CES1: variants seen among roughly 807,000 people sequenced by gnomAD.
The protein encoded by CES1 is carboxylesterase 1.
Under a neutral mutation model 53.0 loss-of-function variants are expected in CES1, and 50 were observed. The observed-to-expected ratio is 0.94, with a 90% confidence interval of 0.75 to 1.19. The LOEUF (loss-of-function observed/expected upper bound fraction) is 1.19, where lower values mean the gene tolerates loss of function less well. Ranked by LOEUF, CES1 falls within the 50% of genes most tolerant of loss-of-function variation. The pLI, the probability that CES1 is intolerant of heterozygous loss-of-function variation, is 0.00. For synonymous variants in CES1, 202 were observed against 210.1 expected (o/e 0.96, Z 0.33); for missense variants, 534 against 538.0 (o/e 0.99, Z 0.07).
rs1294446344 is a variant in CES1, at chr16:55,810,663, C to A, written c.1172G>T (p.Cys391Phe). ...SLLWKSYPLV[C>F]IAKELIPEAT... is the part of the protein sequence containing the mutation. ...TTCTGGAATCAGTTCCTTAGCAATG[C>A]ACTGAAATAGATCAAAAAGTGACCA... The change falls in exon 11 of 14, where the codon TGC (cysteine) becomes TTC (phenylalanine). Residue 391 changes from cysteine to phenylalanine, a missense_variant and splice_region_variant. Cys to Phe is a radical substitution (Grantham distance 205, BLOSUM62 -2). Transcript: ENST00000360526. The A allele has an allele frequency of 1.2e-6, 2 of 1,614,132 alleles. No individual in the cohort carries two copies. The highest frequency in any genetic ancestry group is 1.7e-6 in the Non-Finnish European group (2 of 1,179,982).
chr16:55,810,814 G>C (rs1177587239), intron 10 of CES1, 113 bp downstream of exon 10: 1 of 1,405,884 alleles, frequency 7.1e-7, no homozygotes, highest in Non-Finnish European at 1.0e-6. Flanking sequence ...TGGAAAGATG[G>C]GGGAAACCCT....
chr16:55,828,235 T>G, intron 2 of CES1: 1 of 210,738 alleles, frequency 4.7e-6, no homozygotes, highest in Non-Finnish European at 9.8e-6. Flanking sequence ...ACACCTTCCA[T>G]TGTTCTCCTC....
chr16:55,826,610 A>G (rs775454668), intron 2 of CES1, among the ~76,000 whole-genome samples: 2 of 152,164 alleles, frequency 1.3e-5, no homozygotes, highest in Non-Finnish European at 2.9e-5. Context: ...TTCTCACAAT[A>G]GCTCAGGGGT....
At chr16:55,816,449 C>T (rs536942716) in intron 8 of CES1, among the ~76,000 whole-genome samples, 16 of 152,006 alleles carry the variant, frequency 1.1e-4, no homozygotes, top group Non-Finnish European at 2.1e-4. Flanking sequence ...TGTCAACCCA[C>T]TGGGAGGTGG....
chr16:55,824,255 C>T (rs555222915), intron 3 of CES1, among the ~76,000 whole-genome samples: 58 of 152,384 alleles, frequency 3.8e-4, no homozygotes, highest in African/African-American at 1.4e-3. Context: ...CTTCAGGATG[C>T]CTTCAGTCAA....
chr16:55,819,717 C>A (rs1447275955), intron 6 of CES1, 78 bp from the exon 7 acceptor site: 3 of 1,235,294 alleles, frequency 2.4e-6, no homozygotes, highest in Non-Finnish European at 3.6e-6. Flanking sequence ...GGCATTCTAT[C>A]CCAAGCCCAA....
chr16:55,830,823 C>CAGGA (rs1362835017), intron 1 of CES1, among the ~76,000 whole-genome samples: 58 of 84,798 alleles, frequency 6.8e-4, no homozygotes, highest in Non-Finnish European at 1.2e-3. Context: ...GGAAGGAAGG[C>CAGGA]AGGCAGGCAG....
At chr16:55,809,491 G>A (rs2031591594) in intron 11 of CES1, among the ~76,000 whole-genome samples, 1 of 152,208 alleles carries the variant, frequency 6.6e-6, no homozygotes, top group Admixed American at 6.5e-5. Flanking sequence ...GGAATCCTGT[G>A]AATCTCCTCT....
At chr16:55,817,143 A>G (rs1366730640) in intron 7 of CES1, among the ~76,000 whole-genome samples, 181 bp from the exon 8 acceptor site, 4 of 152,134 alleles carry the variant, frequency 2.6e-5, no homozygotes, top group Non-Finnish European at 5.9e-5. Flanking sequence ...ATGGGCATAC[A>G]CTCATGTCAA....
intron 9 of CES1, chr16:55,812,536 G>T: frequency 2.8e-6 from 1 of 354,344 alleles, no homozygotes. Flanking sequence ...CACCCAGCCC[G>T]AGGTGGGAAG....
At chr16:55,830,630 C>T (rs2032601378) in intron 1 of CES1, among the ~76,000 whole-genome samples, 1 of 151,916 alleles carries the variant, frequency 6.6e-6, no homozygotes, top group Non-Finnish European at 1.5e-5. Flanking sequence ...TGGTGAAACC[C>T]CCTCTCTACT....
At chr16:55,832,507 A>G (rs1195082100) in intron 1 of CES1, among the ~76,000 whole-genome samples, 3 of 152,210 alleles carry the variant, frequency 2.0e-5, no homozygotes, top group Non-Finnish European at 2.9e-5. Context: ...ACCAAAGCCC[A>G]GTGAGGTAGG....
At chr16:55,819,673 A>G (rs1273596267) in intron 6 of CES1, 34 bp from the exon 7 acceptor site, 5 of 1,530,550 alleles carry the variant, frequency 3.3e-6, no homozygotes, top group Non-Finnish European at 4.5e-6. Context: ...AGAGTTCAAG[A>G]GCGACATCCC....
intron 1 of CES1, among the ~76,000 whole-genome samples, chr16:55,830,985 G>C (rs1337515027): frequency 6.6e-6 from 1 of 152,166 alleles, no homozygotes; most frequent in African/African-American, 2.4e-5. Flanking sequence ...ACACAGGCTC[G>C]GTGGAGATGT....
intron 3 of CES1, among the ~76,000 whole-genome samples, chr16:55,824,499 T>C (rs1273126105): frequency 6.6e-6 from 1 of 152,188 alleles, no homozygotes; most frequent in African/African-American, 2.4e-5. Context: ...AAATAAACTA[T>C]ACATTGGGTA....
intron 7 of CES1, among the ~76,000 whole-genome samples, chr16:55,817,397 T>C (rs2031988618): frequency 6.6e-6 from 1 of 152,228 alleles, no homozygotes; most frequent in African/African-American, 2.4e-5. Flanking sequence ...ATTTTCAGTT[T>C]ACACGACGAT....
At chr16:55,824,194 T>C (rs2032331403) in intron 3 of CES1, among the ~76,000 whole-genome samples, 1 of 152,204 alleles carries the variant, frequency 6.6e-6, no homozygotes, top group South Asian at 2.1e-4. Flanking sequence ...CTTATGCCTC[T>C]GCATCCCCAA....
At chr16:55,824,873 T>C (rs1276699634) in intron 3 of CES1, among the ~76,000 whole-genome samples, 1 of 152,218 alleles carries the variant, frequency 6.6e-6, no homozygotes, top group Non-Finnish European at 1.5e-5. Flanking sequence ...CCAGACCGTG[T>C]AGTTCTAGAG....
intron 3 of CES1, among the ~76,000 whole-genome samples, chr16:55,825,100 G>C (rs1339193325): frequency 6.6e-6 from 1 of 152,240 alleles, no homozygotes; most frequent in East Asian, 1.9e-4. Context: ...GGGCTGTGTG[G>C]AGTGGATTCA....
Sources: gnomAD v4.1 joint callset for allele counts (sites outside exome capture counted in the v4.1 genomes callset) on GRCh38, gnomAD v4.1.1 for gene constraint, MANE v1.5 for transcripts, NCBI Gene and HGNC (gene_info 2026-07-23, HGNC 2026-07-21) for gene names.